SEMA5A: variants seen among roughly 807,000 people sequenced by gnomAD.
SEMA5A encodes the protein semaphorin-5A.
SEMA5A carries 55 observed loss-of-function variants against 135.5 expected under a neutral mutation model. The ratio of observed to expected loss-of-function variants is 0.41; its 90% CI spans 0.33 to 0.51. SEMA5A has a LOEUF of 0.51. Among genes scored for constraint, SEMA5A ranks in the 20% least tolerant of loss-of-function variants. The probability of loss-of-function intolerance (pLI) is 0.37; values close to 1 mark genes in which losing one functional copy is unlikely to be tolerated. For synonymous variants in SEMA5A, 580 were observed against 546.5 expected (o/e 1.06, Z -0.85); for missense variants, 1,290 against 1,419.9 (o/e 0.91, Z 1.47).
chr5:9,156,316 G>A (rs867708892), intron 11 of SEMA5A, among the ~76,000 whole-genome samples: 5 of 152,132 alleles, frequency 3.3e-5, no homozygotes, highest in Admixed American at 6.6e-5. Context: ...GGGGTACAGC[G>A]AAGAGTCAAT....
chr5:9,125,864 C>T (rs1018304455), intron 13 of SEMA5A, among the ~76,000 whole-genome samples: 1 of 152,108 alleles, frequency 6.6e-6, no homozygotes, highest in Admixed American at 6.5e-5. Context: ...CTCCTTTCAC[C>T]TGTTTATCAG....
intron 4 of SEMA5A, among the ~76,000 whole-genome samples, chr5:9,326,965 T>C (rs1752908248): frequency 6.6e-6 from 1 of 152,196 alleles, no homozygotes; most frequent in African/African-American, 2.4e-5. Context: ...TCTATAATTG[T>C]GATTTCCAAG....
chr5:9,224,560 T>C (rs544089114), intron 8 of SEMA5A, 114 bp downstream of exon 8: 5 of 903,848 alleles, frequency 5.5e-6, no homozygotes, highest in South Asian at 3.2e-5. Flanking sequence ...TTTGATTTCT[T>C]TAGAAGATGA....
chr5:9,191,052 T>G, intron 10 of SEMA5A, among the ~76,000 whole-genome samples: 1 of 152,124 alleles, frequency 6.6e-6, no homozygotes, highest in South Asian at 2.1e-4. Flanking sequence ...TAGAAGAAAT[T>G]ATTAAAAAAT....
chr5:9,535,069 CCTTCTGCT>C (rs1737681211), intron 1 of SEMA5A, among the ~76,000 whole-genome samples: 1 of 152,204 alleles, frequency 6.6e-6, no homozygotes, highest in African/African-American at 2.4e-5. Flanking sequence ...CCGGGAAAGC[CCTTCTGCT>C]CTTCCCACCT....
chr5:9,136,369 G>C (rs1432819328), intron 13 of SEMA5A, 135 bp downstream of exon 13: 2 of 670,940 alleles, frequency 3.0e-6, no homozygotes, highest in African/African-American at 3.6e-5. Flanking sequence ...TGATCTGAGA[G>C]AGCACAGACT....
chr5:9,073,981 A>T (rs1323443257), intron 16 of SEMA5A, among the ~76,000 whole-genome samples: 1 of 152,180 alleles, frequency 6.6e-6, no homozygotes, highest in Non-Finnish European at 1.5e-5. Context: ...CATTTTTGGT[A>T]GAAATTAACA....
chr5:9,087,521 C>T (rs918795840), intron 16 of SEMA5A, among the ~76,000 whole-genome samples: 1 of 151,426 alleles, frequency 6.6e-6, no homozygotes, highest in African/African-American at 2.4e-5. Context: ...TTTTTAGCCA[C>T]AGATGTTTAT....
At chr5:9,125,648 G>T (rs545022884) in intron 13 of SEMA5A, among the ~76,000 whole-genome samples, 1 of 151,732 alleles carries the variant, frequency 6.6e-6, no homozygotes, top group Non-Finnish European at 1.5e-5. Context: ...CTACCCAAGA[G>T]GAAAATATCC....
chr5:9,474,243 G>A (rs187663757), intron 1 of SEMA5A, among the ~76,000 whole-genome samples: 1 of 152,082 alleles, frequency 6.6e-6, no homozygotes, highest in Non-Finnish European at 1.5e-5. Flanking sequence ...CCCAAAGAAG[G>A]CCACTCCCGT....
intron 2 of SEMA5A, among the ~76,000 whole-genome samples, chr5:9,427,138 C>T (rs1046173035): frequency 1.3e-5 from 2 of 152,002 alleles, no homozygotes; most frequent in African/African-American, 4.8e-5. Context: ...TGGTGAAAAC[C>T]CAGCTCTACT....
chr5:9,204,452 G>A lies in SEMA5A; in HGVS notation c.647-2212C>T, dbSNP rs1482808510. On this transcript the variant is annotated intron_variant, in intron 8 of 22. Transcript: ENST00000382496. The surrounding 1 kb of genome is among the most constrained non-coding windows in gnomAD (Gnocchi z 6.4). ...AGCTGAAAAACGAGAAGATACAAAG[G>A]AAGAAAGATCTTTTATGGTTTCCAG... 6.6e-6 allele frequency among the ~76,000 whole-genome samples: 1 copy of A among 152,142 alleles called. No individual in the cohort carries two copies. Among genetic ancestry groups the A allele is most frequent in the East Asian group, 1.9e-4 (1 of 5,208 alleles).
intron 16 of SEMA5A, among the ~76,000 whole-genome samples, chr5:9,104,148 C>T (rs900199373): frequency 6.6e-6 from 1 of 152,176 alleles, no homozygotes; most frequent in Non-Finnish European, 1.5e-5. Context: ...CTGGTCCAGT[C>T]CCCCACTGGC....
At chr5:9,154,093 A>ATATATATATATGTGTG (rs372321939) in intron 12 of SEMA5A, among the ~76,000 whole-genome samples, 1 of 73,512 alleles carries the variant, frequency 1.4e-5, no homozygotes, top group Non-Finnish European at 2.4e-5. Context: ...ATATATATAT[A>ATATATATATATGTGTG]TGTGTGTGTG....
intron 5 of SEMA5A, among the ~76,000 whole-genome samples, chr5:9,274,053 TAA>T (rs1266413409): frequency 6.6e-6 from 1 of 151,952 alleles, no homozygotes; most frequent in Non-Finnish European, 1.5e-5. Context: ...GCAAATTGGA[TAA>T]AGAGTCAAGA....
chr5:9,319,799 C>T (rs984944685), intron 4 of SEMA5A, among the ~76,000 whole-genome samples: 1 of 129,958 alleles, frequency 7.7e-6, no homozygotes, highest in Non-Finnish European at 1.5e-5. Flanking sequence ...ACCTATAAGA[C>T]ATAAATGTTG....
At chr5:9,359,881 G>T (rs1047142959) in intron 3 of SEMA5A, among the ~76,000 whole-genome samples, 1 of 152,176 alleles carries the variant, frequency 6.6e-6, no homozygotes, top group South Asian at 2.1e-4. Flanking sequence ...GAATGACCTA[G>T]AATTCAGAAC....
At chr5:9,127,106 G>T (rs1741157613) in intron 13 of SEMA5A, among the ~76,000 whole-genome samples, 1 of 152,134 alleles carries the variant, frequency 6.6e-6, no homozygotes, top group South Asian at 2.1e-4. Context: ...TCTTGGCATT[G>T]GTCTCTGTGT....
chr5:9,331,970 T>C (rs942090703), intron 4 of SEMA5A, among the ~76,000 whole-genome samples: 3 of 152,250 alleles, frequency 2.0e-5, no homozygotes, highest in Non-Finnish European at 2.9e-5. Flanking sequence ...TCTTCTGATA[T>C]CTAGAAATAC....
Sources: allele counts gnomAD v4.1 joint callset (sites outside exome capture counted in the v4.1 genomes callset), GRCh38; gene constraint gnomAD v4.1.1; non-coding constraint Gnocchi (gnomAD v3.1); transcripts MANE v1.5; gene names NCBI Gene and HGNC (gene_info 2026-07-23, HGNC 2026-07-21).